The following CXADR variants were observed in gnomAD, a reference collection of about 807,000 sequenced individuals.
CXADR encodes coxsackievirus and adenovirus receptor.
In CXADR, 20 loss-of-function variants were observed where a neutral mutation model predicts 40.3. The observed-to-expected ratio is 0.50, with a 90% CI of 0.35 to 0.72. The LOEUF (loss-of-function observed/expected upper bound fraction) is 0.72. CXADR is among the 30% of genes least tolerant of loss of function. The probability of loss-of-function intolerance (pLI) is 0.01; values close to 1 mark genes in which losing one functional copy is unlikely to be tolerated. For synonymous variants in CXADR, 150 were observed against 161.3 expected, an observed-to-expected ratio of 0.93 and a Z score of 0.53; for missense variants, 332 against 449.1, an observed-to-expected ratio of 0.74 and a Z score of 2.36.
the CXADR span, chr21:17,613,095 C>T: frequency 6.6e-6 from 1 of 152,072 alleles, no homozygotes; most frequent in East Asian, 1.9e-4. Flanking sequence ...CTCGCCCTAC[C>T]CTGAGCCTGG....
intron 1 of CXADR, among the ~76,000 whole-genome samples, chr21:17,535,678 G>A (rs577123937): frequency 1.3e-5 from 2 of 152,068 alleles, no homozygotes; most frequent in South Asian, 2.1e-4. Context: ...CCAAGCAACC[G>A]AACAAGCATG....
chr21:17,598,652 T>C, the CXADR span: 1 of 1,614,180 alleles, frequency 6.2e-7, no homozygotes, highest in Non-Finnish European at 8.5e-7. Context: ...GTCACCGAAC[T>C]GGGTTTCACT....
At chr21:17,601,185 C>T in the CXADR span, among the ~76,000 whole-genome samples, 2 of 151,334 alleles carry the variant, frequency 1.3e-5, no homozygotes, top group African/African-American at 4.9e-5. Context: ...AAAGTTGCTA[C>T]GGGATGGTAG....
intron 7 of CXADR, among the ~76,000 whole-genome samples, chr21:17,583,154 A>T (rs931141076): frequency 6.6e-6 from 1 of 152,238 alleles, no homozygotes; most frequent in Non-Finnish European, 1.5e-5. Context: ...TTAAACAATT[A>T]CATGAGAGGA....
chr21:17,541,733 A>AAATATGCATT (rs1555868019), intron 1 of CXADR, among the ~76,000 whole-genome samples: 2 of 151,184 alleles, frequency 1.3e-5, no homozygotes, highest in Non-Finnish European at 2.9e-5. Flanking sequence ...AGTTTACTCC[A>AAATATGCATT]TGTCTTTTCA....
the CXADR span, among the ~76,000 whole-genome samples, chr21:17,611,041 A>G: frequency 7.4e-5 from 11 of 148,528 alleles, no homozygotes; most frequent in South Asian, 1.9e-3. Flanking sequence ...ACAGCCAGCT[A>G]GCAGGCACCG....
chr21:17,567,357 G>A lies in CXADR; in HGVS notation c.*1665G>A, dbSNP rs1257842644. The A allele has an allele frequency of 1.0e-6, 1 of 984,954 alleles. No homozygotes were observed. The highest frequency in any genetic ancestry group is 1.2e-6 in the Non-Finnish European group (1 of 829,546). 61.0% of individuals were successfully genotyped at this position (984,954 alleles called of 1,614,324 possible). On this transcript the variant is annotated 3_prime_UTR_variant, in exon 7 of 7. Coordinates refer to ENST00000284878, the MANE Select transcript of CXADR (RefSeq NM_001338.5). The stretch of plus-strand genomic sequence containing the variant: ...ATATTTGGAAGCATTTTAAAAACAG[G>A]TTTTAACCTTATGTAAAATTACTTT...
At chr21:17,513,362 GTA>G (rs1337299530) in intron 1 of CXADR, among the ~76,000 whole-genome samples, 190 bp downstream of exon 1, 1 of 152,080 alleles carries the variant, frequency 6.6e-6, no homozygotes, top group African/African-American at 2.4e-5. Context: ...GAGCCGTCCC[GTA>G]GGGAGCCGCG....
chr21:17,543,336 C>T (rs545890092), intron 1 of CXADR, among the ~76,000 whole-genome samples: 1 of 152,160 alleles, frequency 6.6e-6, no homozygotes, highest in Non-Finnish European at 1.5e-5. Flanking sequence ...AATATAAAAA[C>T]TAAGTTGTAT....
In CXADR at chr21:17,569,997, A is replaced by G. The variant is rs1258609097; in HGVS notation, c.*4305A>G. 7.1e-6 allele frequency: 7 copies of G among 985,276 alleles called. No individual in the cohort carries two copies. Among genetic ancestry groups the G allele is most frequent in the Admixed American group, 1.2e-4 (2 of 16,260 alleles). The allele number at this position is 985,276 out of a possible 1,614,324, so 61.0% of individuals were successfully genotyped here. On this transcript the variant is annotated 3_prime_UTR_variant, in exon 7 of 7. Coordinates refer to ENST00000284878, the MANE Select transcript of CXADR (RefSeq NM_001338.5). The stretch of plus-strand genomic sequence containing the variant: ...GTACGATTTCTGGCTTATATATCCA[A>G]TGGTGCAGATTTTGAAATTTGTAAG...
chr21:17,596,430 T>C (rs1168930443), downstream of CXADR, among the ~76,000 whole-genome samples: 1 of 152,060 alleles, frequency 6.6e-6, no homozygotes, highest in Non-Finnish European at 1.5e-5. Context: ...CTTTTATGTC[T>C]AGGTACACAA....
chr21:17,564,895 C>T (rs910221997), intron 6 of CXADR, among the ~76,000 whole-genome samples: 14 of 152,048 alleles, frequency 9.2e-5, no homozygotes, highest in African/African-American at 1.9e-4. Context: ...CCACCAAGCC[C>T]GGCTAATTTT....
chr21:17,513,775 C>T (rs1040317526), intron 1 of CXADR, among the ~76,000 whole-genome samples: 4 of 152,290 alleles, frequency 2.6e-5, no homozygotes, highest in Middle Eastern at 3.4e-3. Flanking sequence ...TAACCAGACG[C>T]GCATTGTGAA....
chr21:17,580,797 C>A (rs2061354853), intron 7 of CXADR, among the ~76,000 whole-genome samples: 1 of 152,108 alleles, frequency 6.6e-6, no homozygotes, highest in African/African-American at 2.4e-5. Flanking sequence ...GTCACCCAGG[C>A]TGGAGTGCAG....
intron 1 of CXADR, chr21:17,527,369 G>A (rs2060610030): frequency 6.6e-6 from 1 of 152,178 alleles, no homozygotes; most frequent in African/African-American, 2.4e-5. Context: ...TCTCTGCCAG[G>A]ATGTTTACTT....
At chr21:17,562,465 G>A (rs1601025300) in intron 6 of CXADR, among the ~76,000 whole-genome samples, 2 of 152,202 alleles carry the variant, frequency 1.3e-5, no homozygotes, top group Non-Finnish European at 2.9e-5. Context: ...GGGACTACAG[G>A]CATAAGCCAC....
intron 3 of CXADR, among the ~76,000 whole-genome samples, chr21:17,556,513 T>TG (rs1263657791): frequency 6.6e-6 from 1 of 152,226 alleles, no homozygotes; most frequent in African/African-American, 2.4e-5. Context: ...GAATACCATA[T>TG]TACCCATAGA....
chr21:17,629,971 C>T, the CXADR span, among the ~76,000 whole-genome samples: 1 of 152,152 alleles, frequency 6.6e-6, no homozygotes, highest in African/African-American at 2.4e-5. Context: ...GGCTATCAAG[C>T]TATCTGAGCA....
chr21:17,549,820 A>T (rs937508436), intron 2 of CXADR, among the ~76,000 whole-genome samples: 4 of 152,224 alleles, frequency 2.6e-5, no homozygotes, highest in African/African-American at 4.8e-5. Flanking sequence ...TTAGAGTTAG[A>T]TTCCACAGGC....
Sources: gnomAD v4.1 joint callset for allele counts (sites outside exome capture counted in the v4.1 genomes callset) on GRCh38, gnomAD v4.1.1 for gene constraint, MANE v1.5 for transcripts, NCBI Gene and HGNC (gene_info 2026-07-23, HGNC 2026-07-21) for gene names.